RTN4: variants seen among roughly 807,000 people sequenced by gnomAD.
RTN4 encodes the protein reticulon-4.
In RTN4, 32 loss-of-function variants were observed where a neutral mutation model predicts 90.4. The ratio of observed to expected loss-of-function variants is 0.35; its 90% CI spans 0.27 to 0.48. The LOEUF is 0.48. Ranked by LOEUF, RTN4 falls within the 20% of genes least tolerant of loss-of-function variation. The pLI, the probability that RTN4 is intolerant of heterozygous loss-of-function variation, is 0.99. For synonymous variants in RTN4, 629 were observed against 552.5 expected (o/e 1.14, Z -1.94); for missense variants, 1,706 against 1,430.2 (o/e 1.19, Z -3.11).
chr2:55,094,817 C>A (rs939627274), intron 1 of RTN4, among the ~76,000 whole-genome samples: 2 of 152,114 alleles, frequency 1.3e-5, no homozygotes, highest in African/African-American at 4.8e-5. Flanking sequence ...TTAGGTCAAG[C>A]AAAGAATGAA....
At chr2:55,127,300 T>C in the RTN4 span, among the ~76,000 whole-genome samples, 1 of 152,210 alleles carries the variant, frequency 6.6e-6, no homozygotes, top group South Asian at 2.1e-4. Context: ...GCTGACAAGA[T>C]GATCACCTTT....
At chr2:55,058,545 A>G (rs1668231837) in intron 2 of RTN4, among the ~76,000 whole-genome samples, 1 of 152,214 alleles carries the variant, frequency 6.6e-6, no homozygotes, top group South Asian at 2.1e-4. Context: ...ACGAAATTTT[A>G]GTGGAAATTC....
chr2:55,025,237 A>AT lies in RTN4; in HGVS notation c.2861dup (p.Asp954GlufsTer16). Reference sequence around the variant, plus strand: ...CTGCTTGAGTGGCCAAAGCAGAAACATCTGGAGGCAATAAGAGCACCTTTG... The same window carrying AT: ...CTGCTTGAGTGGCCAAAGCAGAAACATTCTGGAGGCAATAAGAGCACCTTTG... On this transcript the variant is annotated frameshift_variant, in exon 3 of 9. Coordinates refer to ENST00000337526, the MANE Select transcript of RTN4 (RefSeq NM_020532.5). LOFTEE classifies it high-confidence loss of function. 1 of 1,613,888 alleles carries AT rather than the reference A, an allele frequency of 6.2e-7. No homozygotes were observed.
the RTN4 span, among the ~76,000 whole-genome samples, chr2:55,135,482 C>T: frequency 6.6e-6 from 1 of 152,208 alleles, no homozygotes; most frequent in Non-Finnish European, 1.5e-5. Context: ...GCTGGGATTA[C>T]AGGCGTGAGC....
At chr2:55,131,630 T>A in the RTN4 span, among the ~76,000 whole-genome samples, 37,869 of 152,090 alleles carry the variant, frequency 0.25, 5,001 homozygotes, top group Admixed American at 0.29. Flanking sequence ...ACACATGTAA[T>A]CCCAGCACTT....
At chr2:55,054,844 T>C (rs1573485655), upstream of RTN4, among the ~76,000 whole-genome samples, 3 of 152,350 alleles carry the variant, frequency 2.0e-5, no homozygotes, top group African/African-American at 7.2e-5. Flanking sequence ...TAAGTTGTTG[T>C]CCCTATCATT....
At chr2:54,973,992 CA>C in intron 6 of RTN4, 125 bp from the exon 7 acceptor site, 1 of 781,154 alleles carries the variant, frequency 1.3e-6, no homozygotes, top group Non-Finnish European at 2.0e-6. Flanking sequence ...TGAATAAAAA[CA>C]TAAGGATCTC....
chr2:55,027,540 T>A, intron 2 of RTN4, 55 bp from the exon 3 acceptor site: 1 of 1,532,186 alleles, frequency 6.5e-7, no homozygotes, highest in Non-Finnish European at 8.7e-7. Context: ...TCAGAGTTAA[T>A]GCAAGTTTTA....
chr2:55,128,838 G>A, the RTN4 span, among the ~76,000 whole-genome samples: 1 of 151,796 alleles, frequency 6.6e-6, no homozygotes, highest in Non-Finnish European at 1.5e-5. Flanking sequence ...TGGGCACGGT[G>A]GCTCACGCCT....
chr2:55,061,667 A>G (rs2972076), intron 2 of RTN4, among the ~76,000 whole-genome samples: 133,243 of 152,196 alleles, frequency 0.88, 58,414 homozygotes, highest in Middle Eastern at 0.93. Context: ...TGCTTCGTCA[A>G]GGTACCAGTT....
rs116575279 is a variant in RTN4, at chr2:55,044,399, C to G, written c.556+5346G>C. Among the ~76,000 whole-genome samples, 1,344 of 150,716 alleles carry G rather than the reference C, an allele frequency of 8.9e-3. 16 individuals carry two copies. The highest frequency in any genetic ancestry group is 0.032 in the African/African-American group (1,288 of 40,704). On this transcript the variant is annotated intron_variant, in intron 1 of 8. Coordinates refer to ENST00000337526, the MANE Select transcript of RTN4 (RefSeq NM_020532.5). ...GAGTAAGACTCTGTCTCAAAAGAAA[C>G]AAACAAACAAACAAACAAACAAAAA...
At chr2:55,105,718 C>T (rs1475281573) in intron 1 of RTN4, among the ~76,000 whole-genome samples, 2 of 151,986 alleles carry the variant, frequency 1.3e-5, no homozygotes, top group Non-Finnish European at 1.5e-5. Context: ...TGCCTAATCC[C>T]AGAACTTTGG....
chr2:55,126,195 C>T, the RTN4 span, among the ~76,000 whole-genome samples: 1 of 151,706 alleles, frequency 6.6e-6, no homozygotes, highest in East Asian at 1.9e-4. Flanking sequence ...CATGGAGAAA[C>T]CCCATCTCTA....
chr2:55,031,558 T>A (rs1417740250), intron 1 of RTN4, among the ~76,000 whole-genome samples: 1 of 152,222 alleles, frequency 6.6e-6, no homozygotes, highest in Non-Finnish European at 1.5e-5. Context: ...GCAAATTAAC[T>A]GGATTATATC....
At chr2:55,040,404 T>G (rs144958110) in intron 1 of RTN4, among the ~76,000 whole-genome samples, 1 of 152,142 alleles carries the variant, frequency 6.6e-6, no homozygotes. Flanking sequence ...CCTTATTTTC[T>G]GAGATCAAAA....
rs3769326 is a variant in RTN4, at chr2:54,977,759, G to T, written c.3361-2995C>A. Reference sequence around the variant, plus strand: ...ATACTATTTGACTAGGAAAATGATCGTTGCTCACTCTATAAATACTTGAAA... The same window carrying T: ...ATACTATTTGACTAGGAAAATGATCTTTGCTCACTCTATAAATACTTGAAA... On this transcript the variant is annotated intron_variant, in intron 5 of 8. Transcript: ENST00000337526. Among the ~76,000 whole-genome samples the T allele has an allele frequency of 2.9e-3, 445 of 152,262 alleles. 2 individuals are homozygous for T. In the East Asian group the frequency reaches 0.038, roughly 13 times the overall value.
At chr2:55,065,491 T>C (rs1052081735) in intron 2 of RTN4, among the ~76,000 whole-genome samples, 2 of 152,160 alleles carry the variant, frequency 1.3e-5, no homozygotes, top group Non-Finnish European at 1.5e-5. Context: ...GGCAGCTTTA[T>C]TATAATATCT....
intron 1 of RTN4, among the ~76,000 whole-genome samples, chr2:55,112,274 A>C (rs145766760): frequency 6.6e-6 from 1 of 152,210 alleles, no homozygotes; most frequent in Admixed American, 6.5e-5. Flanking sequence ...CACTTGGCAT[A>C]TGTTGCCTCA....
At chr2:55,044,998 A>C (rs1011647766) in intron 1 of RTN4, among the ~76,000 whole-genome samples, 4 of 152,136 alleles carry the variant, frequency 2.6e-5, no homozygotes, top group African/African-American at 9.7e-5. Flanking sequence ...AGAAGCATCC[A>C]CTTCCTGGGA....
Sources: gnomAD v4.1 joint callset for allele counts (sites outside exome capture counted in the v4.1 genomes callset) on GRCh38, gnomAD v4.1.1 for gene constraint, MANE v1.5 for transcripts, NCBI Gene and HGNC (gene_info 2026-07-23, HGNC 2026-07-21) for gene names.